The following ZNF680 variants were observed in gnomAD, a reference collection of about 807,000 sequenced individuals.
ZNF680 encodes hypothetical protein FLJ90430.
In ZNF680, 6 loss-of-function variants were observed where a neutral mutation model predicts 12.1. The ratio of observed to expected loss-of-function variants is 0.49; its 90% CI spans 0.27 to 0.98. The LOEUF is 0.98. Ranked by LOEUF, ZNF680 falls within the 50% of genes least tolerant of loss-of-function variation. The probability of loss-of-function intolerance (pLI) is 0.12; values close to 1 mark genes in which losing one functional copy is unlikely to be tolerated. For synonymous variants in ZNF680, 170 were observed against 199.3 expected, an observed-to-expected ratio of 0.85 and a Z score of 1.24; for missense variants, 561 against 616.3, an observed-to-expected ratio of 0.91 and a Z score of 0.95.
At chr7:64,513,923 C>T in the ZNF680 span, among the ~76,000 whole-genome samples, 2 of 152,092 alleles carry the variant, frequency 1.3e-5, no homozygotes, top group South Asian at 4.1e-4. Context: ...GGATTACAGG[C>T]GTGAGCCACC....
chr7:64,505,390 T>C, the ZNF680 span, among the ~76,000 whole-genome samples: 5 of 152,238 alleles, frequency 3.3e-5, no homozygotes, highest in Non-Finnish European at 5.9e-5. Flanking sequence ...TATTAATAAA[T>C]TTATTATGTC....
chr7:64,510,459 AAAT>A, the ZNF680 span, among the ~76,000 whole-genome samples: 3 of 152,100 alleles, frequency 2.0e-5, no homozygotes, highest in East Asian at 5.8e-4. Flanking sequence ...TATTAAAAAA[AAAT>A]TAGTTGCAAA....
chr7:64,556,525 T>C (rs1417728573), intron 1 of ZNF680, among the ~76,000 whole-genome samples: 1 of 151,936 alleles, frequency 6.6e-6, no homozygotes, highest in Non-Finnish European at 1.5e-5. Flanking sequence ...ACAAGAGCAA[T>C]GCAGGAAGAA....
At chr7:64,549,893 G>C (rs538419464) in intron 1 of ZNF680, among the ~76,000 whole-genome samples, 72 of 152,266 alleles carry the variant, frequency 4.7e-4, no homozygotes, top group Non-Finnish European at 6.0e-4. Context: ...TAAGGCAGGA[G>C]AATCAGTTGA....
At position 64,526,282 on chromosome 7, in the gene ZNF680, C is replaced by A. The variant is rs987599524; in HGVS notation, c.254-3782G>T. 3 of 1,149,334 alleles carry A rather than the reference C, an allele frequency of 2.6e-6. No individual in the cohort carries two copies. The Admixed American group carries it at 1.4e-4, about 55-fold the overall frequency. 71.2% of individuals were successfully genotyped at this position (1,149,334 alleles called of 1,614,324 possible). On this transcript the variant is annotated intron_variant, in intron 3 of 3. Coordinates refer to ENST00000309683, the MANE Select transcript of ZNF680 (RefSeq NM_178558.5). ...TTGATGCAGTAATAAAATTCCTAAC[C>A]AAGAATACTTGATTCAAGATTAGTG...
the ZNF680 span, among the ~76,000 whole-genome samples, chr7:64,508,703 G>A: frequency 1.3e-5 from 2 of 152,100 alleles, no homozygotes; most frequent in African/African-American, 4.8e-5. Flanking sequence ...AAAATTTTCT[G>A]GCTTGGGCTA....
intron 3 of ZNF680, among the ~76,000 whole-genome samples, chr7:64,541,450 TG>T (rs1395582059): frequency 6.6e-6 from 1 of 152,166 alleles, no homozygotes; most frequent in Non-Finnish European, 1.5e-5. Flanking sequence ...ACACCTGTAA[TG>T]ACAGCTACAT....
intron 1 of ZNF680, among the ~76,000 whole-genome samples, chr7:64,549,298 C>G (rs1330653707): frequency 6.6e-6 from 1 of 152,122 alleles, no homozygotes; most frequent in Non-Finnish European, 1.5e-5. Flanking sequence ...GCCTTGCTCT[C>G]TCACTCCTAA....
chr7:64,547,923 C>T (rs912972141), intron 1 of ZNF680, among the ~76,000 whole-genome samples: 25 of 152,164 alleles, frequency 1.6e-4, no homozygotes, highest in African/African-American at 6.0e-4. Context: ...GGCTGCAGGA[C>T]TCACCAGCCA....
intron 1 of ZNF680, among the ~76,000 whole-genome samples, chr7:64,549,514 G>A (rs1434983641): frequency 6.6e-6 from 1 of 152,094 alleles, no homozygotes; most frequent in African/African-American, 2.4e-5. Flanking sequence ...TCCTAAGTCT[G>A]GCCCTGTATT....
intron 1 of ZNF680, among the ~76,000 whole-genome samples, chr7:64,553,838 C>T (rs1204155631): frequency 2.0e-5 from 3 of 152,208 alleles, no homozygotes; most frequent in Non-Finnish European, 2.9e-5. Context: ...CTGCCCGCCA[C>T]GGCCTCCCGA....
At chr7:64,507,707 C>T in the ZNF680 span, among the ~76,000 whole-genome samples, 1 of 151,706 alleles carries the variant, frequency 6.6e-6, no homozygotes. Context: ...TAAATGTATA[C>T]AACTCTGATT....
downstream of ZNF680, among the ~76,000 whole-genome samples, chr7:64,518,411 G>C (rs1316181225): frequency 6.6e-6 from 1 of 151,932 alleles, no homozygotes; most frequent in Admixed American, 6.6e-5. Flanking sequence ...ACTGCTAAAA[G>C]AAATCACGGA....
At chr7:64,548,715 G>C (rs930165232) in intron 1 of ZNF680, among the ~76,000 whole-genome samples, 7 of 152,028 alleles carry the variant, frequency 4.6e-5, no homozygotes, top group Non-Finnish European at 8.8e-5. Context: ...TTCTGCTCTG[G>C]ACAACCTTAA....
At position 64,543,765 on chromosome 7, in the gene ZNF680, CA is replaced by C; in HGVS notation, c.194del (p.Leu65TrpfsTer16). On this transcript the variant is annotated frameshift_variant, in exon 3 of 4. Transcript: ENST00000309683. LOFTEE classifies it high-confidence loss of function. ...AVSKPHLITC[L>X]EQGKEPWNRK... ...TATTCCAGGGCTCTTTTCCTTGCTC[CA>C]AACAGGTTATCAGGTGAGGCTTAGA... is the stretch of plus-strand genomic sequence containing the variant. The C allele has an allele frequency of 6.2e-7, 1 of 1,613,560 alleles. No individual in the cohort carries two copies.
chr7:64,509,993 A>C, the ZNF680 span, among the ~76,000 whole-genome samples: 1 of 148,944 alleles, frequency 6.7e-6, no homozygotes, highest in Non-Finnish European at 1.5e-5. Flanking sequence ...TGTATTCTAA[A>C]TTACTAAAGC....
At chr7:64,545,556 ACAGCAT>A (rs1190654722) in intron 1 of ZNF680, among the ~76,000 whole-genome samples, 1 of 152,226 alleles carries the variant, frequency 6.6e-6, no homozygotes, top group Non-Finnish European at 1.5e-5. Flanking sequence ...CACAAAGAAC[ACAGCAT>A]CACTGCTGGA....
intron 1 of ZNF680, among the ~76,000 whole-genome samples, chr7:64,557,918 T>C (rs1238303627): frequency 6.6e-6 from 1 of 152,128 alleles, no homozygotes; most frequent in Non-Finnish European, 1.5e-5. Context: ...CTATGCATAG[T>C]ACCTCATTAA....
At chr7:64,526,548 G>A in intron 3 of ZNF680, 1 of 463,212 alleles carries the variant, frequency 2.2e-6, no homozygotes. Context: ...ATGCTAAAAT[G>A]AGTCCATTAT....
Sources: gnomAD v4.1 joint callset for allele counts (sites outside exome capture counted in the v4.1 genomes callset) on GRCh38, gnomAD v4.1.1 for gene constraint, MANE v1.5 for transcripts, NCBI Gene and HGNC (gene_info 2026-07-23, HGNC 2026-07-21) for gene names.